The following DPP6 variants were observed in gnomAD, a reference collection of about 807,000 sequenced individuals.
DPP6 encodes A-type potassium channel modulatory protein DPP6.
In DPP6, 69 loss-of-function variants were observed where a neutral mutation model predicts 122.6. The observed-to-expected ratio is 0.56, with a 90% CI of 0.46 to 0.69. DPP6 has a LOEUF of 0.69. DPP6 is among the 30% of genes least tolerant of loss of function. DPP6 has a pLI of 0.00. For synonymous variants in DPP6, 418 were observed against 433.1 expected (o/e 0.97, Z 0.43); for missense variants, 928 against 1,116.9 (o/e 0.83, Z 2.41).
intron 17 of DPP6, among the ~76,000 whole-genome samples, chr7:154,859,358 G>T (rs1050179843): frequency 2.6e-5 from 4 of 152,246 alleles, no homozygotes; most frequent in Non-Finnish European, 5.9e-5. Flanking sequence ...CTCCTGAGCC[G>T]CTGTGTGACG....
At chr7:153,985,201 G>A (rs1039972726) in intron 1 of DPP6, among the ~76,000 whole-genome samples, 1 of 152,192 alleles carries the variant, frequency 6.6e-6, no homozygotes, top group African/African-American at 2.4e-5. Context: ...CTGAGGATTG[G>A]GATTAGATCT....
intron 5 of DPP6, among the ~76,000 whole-genome samples, chr7:154,598,019 G>T (rs2130763379): frequency 1.3e-5 from 2 of 152,130 alleles, no homozygotes; most frequent in South Asian, 4.2e-4. Flanking sequence ...TCCCAATAAA[G>T]TCCCTTTCTA....
At chr7:154,442,559 A>G (rs543184318) in intron 1 of DPP6, among the ~76,000 whole-genome samples, 2 of 152,270 alleles carry the variant, frequency 1.3e-5, no homozygotes, top group African/African-American at 4.8e-5. Context: ...ATGGAAGGGA[A>G]TGACTTGCTC....
Position 154,676,478 on chromosome 7 carries a change from C to T in DPP6, c.762+7037C>T, listed in dbSNP as rs564887516. ...CCTGCTACACAGGTGTTCCAGGCTGCGGCCATGGGGTGTGCTGTCTGGAGG... is the reference window on the plus strand; with the variant it reads ...CCTGCTACACAGGTGTTCCAGGCTGTGGCCATGGGGTGTGCTGTCTGGAGG... On this transcript the variant is annotated intron_variant, in intron 7 of 25. Coordinates refer to ENST00000377770, the MANE Select transcript of DPP6 (RefSeq NM_130797.4). Among the ~76,000 whole-genome samples the T allele has an allele frequency of 7.6e-5, 11 of 144,178 alleles. No homozygotes were observed. In the South Asian group the frequency reaches 2.1e-3, roughly 27 times the overall value. The allele number at this position is 144,178 out of a possible 152,430, so 94.6% of individuals were successfully genotyped here.
chr7:154,703,237 ATGT>A (rs1408731371), intron 7 of DPP6, among the ~76,000 whole-genome samples: 1 of 152,240 alleles, frequency 6.6e-6, no homozygotes, highest in Non-Finnish European at 1.5e-5. Context: ...AAGGAGATAA[ATGT>A]TGTTTCTATG....
intron 3 of DPP6, among the ~76,000 whole-genome samples, chr7:154,507,326 T>C (rs892732694): frequency 1.3e-5 from 2 of 152,146 alleles, no homozygotes; most frequent in African/African-American, 4.8e-5. Context: ...ATGTGCATGT[T>C]TGTTACATAG....
chr7:154,046,088 A>C (rs1333530553), intron 1 of DPP6, among the ~76,000 whole-genome samples: 1 of 152,204 alleles, frequency 6.6e-6, no homozygotes, highest in African/African-American at 2.4e-5. Context: ...GCTGGTCTAC[A>C]CTGGGCTCGG....
chr7:154,186,062 T>C (rs2150755578), intron 1 of DPP6, among the ~76,000 whole-genome samples: 1 of 152,304 alleles, frequency 6.6e-6, no homozygotes, highest in Middle Eastern at 3.4e-3. Context: ...AGCCTCTTGG[T>C]TTTGTGCAAG....
chr7:154,194,785 A>G (rs1798784370), intron 1 of DPP6, among the ~76,000 whole-genome samples: 1 of 152,222 alleles, frequency 6.6e-6, no homozygotes, highest in African/African-American at 2.4e-5. Context: ...CTTTGGTAAA[A>G]TACCTGGTCA....
At chr7:154,666,233 A>ACATACATACATC in intron 6 of DPP6, among the ~76,000 whole-genome samples, 1 of 151,448 alleles carries the variant, frequency 6.6e-6, no homozygotes, top group African/African-American at 2.4e-5. Flanking sequence ...ATACATACAT[A>ACATACATACATC]CTATAACACA....
At chr7:154,107,327 G>A (rs2533694) in intron 1 of DPP6, among the ~76,000 whole-genome samples, 2 of 152,224 alleles carry the variant, frequency 1.3e-5, no homozygotes, top group Non-Finnish European at 2.9e-5. Flanking sequence ...AATGAAATAA[G>A]CCAGGCACAG....
At chr7:153,766,756 A>G in the DPP6 span, among the ~76,000 whole-genome samples, 1 of 152,230 alleles carries the variant, frequency 6.6e-6, no homozygotes, top group Non-Finnish European at 1.5e-5. Context: ...AAATAGTAAC[A>G]GTAAAAAAGA....
At chr7:154,779,967 G>T (rs1467349159) in intron 10 of DPP6, among the ~76,000 whole-genome samples, 1 of 152,162 alleles carries the variant, frequency 6.6e-6, no homozygotes, top group Non-Finnish European at 1.5e-5. Context: ...AATGTGCTCT[G>T]TTCCCCTCAC....
chr7:154,304,132 G>T (rs553356868), intron 1 of DPP6, among the ~76,000 whole-genome samples: 121 of 152,314 alleles, frequency 7.9e-4, no homozygotes, highest in African/African-American at 2.9e-3. Context: ...GAACTCTCAG[G>T]CCAGTGAATG....
chr7:154,316,280 A>G (rs888778168), intron 1 of DPP6, among the ~76,000 whole-genome samples: 1 of 152,166 alleles, frequency 6.6e-6, no homozygotes, highest in Non-Finnish European at 1.5e-5. Context: ...AGCATGAACT[A>G]TTCACTCCAG....
At chr7:154,197,241 T>A (rs1798916392) in intron 1 of DPP6, among the ~76,000 whole-genome samples, 1 of 151,410 alleles carries the variant, frequency 6.6e-6, no homozygotes, top group African/African-American at 2.4e-5. Flanking sequence ...GCAGAAGATA[T>A]GTAAAGCTCT....
chr7:154,110,553 G>A (rs2150584378), intron 1 of DPP6, among the ~76,000 whole-genome samples: 1 of 152,266 alleles, frequency 6.6e-6, no homozygotes, highest in East Asian at 1.9e-4. Context: ...TTATCATAAG[G>A]TACAAACAAT....
intron 1 of DPP6, among the ~76,000 whole-genome samples, chr7:154,150,610 C>G (rs1378779718): frequency 6.6e-6 from 1 of 152,176 alleles, no homozygotes; most frequent in South Asian, 2.1e-4. Flanking sequence ...GGTCTCAGCA[C>G]GAGGGAGAAG....
chr7:154,488,843 G>A (rs916125297), intron 3 of DPP6, among the ~76,000 whole-genome samples: 3 of 152,000 alleles, frequency 2.0e-5, no homozygotes, highest in Admixed American at 1.3e-4. Context: ...CTAAATCCCC[G>A]TCCCTCCTCC....
Sources: allele counts gnomAD v4.1 joint callset (sites outside exome capture counted in the v4.1 genomes callset), GRCh38; gene constraint gnomAD v4.1.1; transcripts MANE v1.5; gene names NCBI Gene and HGNC (gene_info 2026-07-23, HGNC 2026-07-21).